Variants in CNIH3 observed in about 807,000 individuals in gnomAD.
CNIH3 encodes cornichon family AMPA receptor auxiliary protein 3.
Under a neutral mutation model 24.1 loss-of-function variants are expected in CNIH3, and 14 were observed. The observed-to-expected ratio is 0.58, with a 90% CI of 0.38 to 0.91. The LOEUF (loss-of-function observed/expected upper bound fraction) is 0.91, where lower values mean the gene tolerates loss of function less well. CNIH3 is among the 40% of genes least tolerant of loss of function. The pLI, the probability that CNIH3 is intolerant of heterozygous loss-of-function variation, is 0.00. For missense variants in CNIH3, 178 were observed against 196.8 expected, an observed-to-expected ratio of 0.90 and a Z score of 0.57; for synonymous variants, 68 against 73.8, an observed-to-expected ratio of 0.92 and a Z score of 0.40.
intron 2 of CNIH3, among the ~76,000 whole-genome samples, chr1:224,530,639 C>T (rs966463932): frequency 6.0e-5 from 9 of 151,090 alleles, no homozygotes; most frequent in Admixed American, 1.3e-4. Flanking sequence ...CTTGCTCTGT[C>T]GCCAGACTGG....
intron 1 of CNIH3, among the ~76,000 whole-genome samples, chr1:224,491,275 G>A (rs1290236019): frequency 6.6e-6 from 1 of 152,126 alleles, no homozygotes; most frequent in East Asian, 1.9e-4. Context: ...AACTTGCTAG[G>A]CAATTCTTTA....
chr1:224,595,064 CA>C (rs1038723411), intron 3 of CNIH3, among the ~76,000 whole-genome samples: 1 of 152,136 alleles, frequency 6.6e-6, no homozygotes, highest in Non-Finnish European at 1.5e-5. Flanking sequence ...GTAATTCTCA[CA>C]ATATTTCAAA....
At chr1:224,627,615 A>G (rs756620797) in intron 1 of CNIH3, among the ~76,000 whole-genome samples, 1 of 152,166 alleles carries the variant, frequency 6.6e-6, no homozygotes, top group African/African-American at 2.4e-5. Context: ...CTAGGATGGT[A>G]TGTCTGGCAG....
chr1:224,693,804 G>A (rs1038305395), intron 3 of CNIH3, among the ~76,000 whole-genome samples: 3 of 152,224 alleles, frequency 2.0e-5, no homozygotes, highest in South Asian at 2.1e-4. Context: ...TCCAGTATTC[G>A]TCATTAGTGG....
At chr1:224,465,660 A>T (rs756165420) in intron 1 of CNIH3, among the ~76,000 whole-genome samples, 2 of 152,198 alleles carry the variant, frequency 1.3e-5, no homozygotes, top group Non-Finnish European at 2.9e-5. Context: ...AAATAAATGT[A>T]TAGAAAGGTC....
intron 1 of CNIH3, among the ~76,000 whole-genome samples, chr1:224,653,815 C>T (rs1183702391): frequency 2.0e-5 from 3 of 152,210 alleles, no homozygotes; most frequent in Non-Finnish European, 2.9e-5. Context: ...CATAGTGGTG[C>T]ACACCTGTAA....
intron 3 of CNIH3, among the ~76,000 whole-genome samples, chr1:224,701,025 C>A (rs1342357121): frequency 2.6e-5 from 4 of 152,274 alleles, no homozygotes; most frequent in Non-Finnish European, 4.4e-5. Flanking sequence ...GAAGTTGTCA[C>A]TTGAGAGCAG....
intron 1 of CNIH3, among the ~76,000 whole-genome samples, chr1:224,470,896 C>T (rs1192062630): frequency 6.6e-6 from 1 of 152,146 alleles, no homozygotes; most frequent in Admixed American, 6.5e-5. Context: ...GTAATAATCA[C>T]ATCAGGATAA....
intron 4 of CNIH3, among the ~76,000 whole-genome samples, chr1:224,732,287 G>A (rs1035008578): frequency 2.6e-5 from 4 of 152,174 alleles, no homozygotes; most frequent in East Asian, 1.9e-4. Flanking sequence ...TCTAGGCTGC[G>A]TGGCCGGGAG....
rs186861812 is a variant in CNIH3, at chr1:224,657,681, T to C, written c.82-23277T>C. ...CACATCAGCCCTCCAACGAGAGTCC[T>C]GGACGTTTCCTCTCTAATCCAGTGG... On this transcript the variant is annotated intron_variant, in intron 1 of 5. Coordinates refer to ENST00000272133, the MANE Select transcript of CNIH3 (RefSeq NM_152495.2). 2.5e-3 allele frequency among the ~76,000 whole-genome samples: 386 copies of C among 152,314 alleles called. 1 individual carries two copies. The highest frequency in any genetic ancestry group is 6.8e-3 in the Middle Eastern group (2 of 294).
chr1:224,624,792 G>C (rs555156919), intron 1 of CNIH3, among the ~76,000 whole-genome samples: 10 of 152,334 alleles, frequency 6.6e-5, no homozygotes, highest in African/African-American at 2.2e-4. Flanking sequence ...AGAGGGCTGG[G>C]AGGACCAGGT....
At chr1:224,512,904 G>T (rs1678216433), upstream of CNIH3, among the ~76,000 whole-genome samples, 1 of 152,164 alleles carries the variant, frequency 6.6e-6, no homozygotes, top group South Asian at 2.1e-4. Context: ...GACCAGGGTT[G>T]GAGACCTGGC....
chr1:224,454,074 T>A (rs1032082784), intron 1 of CNIH3, among the ~76,000 whole-genome samples: 1 of 152,184 alleles, frequency 6.6e-6, no homozygotes, highest in Non-Finnish European at 1.5e-5. Context: ...TTTCCTCTCT[T>A]CCGTTTGCTG....
In CNIH3 at chr1:224,474,312, C is replaced by T. The variant is rs902913572; in HGVS notation, n.203+39450C>T. On this transcript the variant is annotated intron_variant and non_coding_transcript_variant, in intron 1 of 5. Transcript: ENST00000471578. ...CCAGGAGGCAGAGGTTGCGGTGAGC[C>T]GAGATTGTGCCATTGCATTACAGCC... 4.7e-5 allele frequency among the ~76,000 whole-genome samples: 7 copies of T among 150,298 alleles called. No individual in the cohort carries two copies. The East Asian group carries it at 5.9e-4, about 13-fold the overall frequency.
intron 1 of CNIH3, among the ~76,000 whole-genome samples, chr1:224,641,894 CTAGTG>C (rs1684378535): frequency 6.6e-6 from 1 of 152,184 alleles, no homozygotes; most frequent in Non-Finnish European, 1.5e-5. Flanking sequence ...ATTTGTAAAA[CTAGTG>C]AAAACCATTG....
rs541664321 is a variant in CNIH3, at chr1:224,458,580, A to G, written n.203+23718A>G. On this transcript the variant is annotated intron_variant and non_coding_transcript_variant, in intron 1 of 5. Transcript: ENST00000471578. This position sits in a 1 kb window ranked among gnomAD's most constrained non-coding sequence, Gnocchi z 4.3. ...CTGTGGCTGTTACTGTCTGATTCCAACCTTCCACTGTTGAACAGACCTCCT... is the reference window on the plus strand; with the variant it reads ...CTGTGGCTGTTACTGTCTGATTCCAGCCTTCCACTGTTGAACAGACCTCCT... 6.6e-6 allele frequency among the ~76,000 whole-genome samples: 1 copy of G among 152,152 alleles called. No individual in the cohort carries two copies. The highest frequency in any genetic ancestry group is 1.9e-4 in the East Asian group (1 of 5,180).
intron 3 of CNIH3, among the ~76,000 whole-genome samples, chr1:224,686,799 A>G (rs1686683622): frequency 6.6e-6 from 1 of 152,256 alleles, no homozygotes; most frequent in South Asian, 2.1e-4. Flanking sequence ...TGGCCCACAG[A>G]CTTGCAGCCC....
intron 1 of CNIH3, among the ~76,000 whole-genome samples, chr1:224,654,441 G>T (rs920244398): frequency 9.2e-5 from 14 of 152,186 alleles, no homozygotes; most frequent in African/African-American, 3.1e-4. Context: ...ATGCCTCCTT[G>T]CTGTAGAGTT....
At chr1:224,641,199 T>C (rs1684342985) in intron 1 of CNIH3, among the ~76,000 whole-genome samples, 1 of 152,184 alleles carries the variant, frequency 6.6e-6, no homozygotes, top group Non-Finnish European at 1.5e-5. Context: ...GCTGCTGCCC[T>C]GAGCTGCAGC....
Sources: allele counts gnomAD v4.1 joint callset (sites outside exome capture counted in the v4.1 genomes callset), GRCh38; gene constraint gnomAD v4.1.1; non-coding constraint Gnocchi (gnomAD v3.1); transcripts MANE v1.5; gene names NCBI Gene and HGNC (gene_info 2026-07-23, HGNC 2026-07-21).